Variants in CHRM3 observed in about 807,000 individuals in gnomAD.
The protein encoded by CHRM3 is cholinergic receptor muscarinic 3, also known as muscarinic acetylcholine receptor M3.
A neutral mutation model predicts 41.8 loss-of-function variants in CHRM3; 11 were observed. The observed-to-expected ratio is 0.26, with a 90% CI of 0.17 to 0.44. The LOEUF is 0.44. CHRM3 is among the 20% of genes least tolerant of loss of function. The probability of loss-of-function intolerance (pLI) is 1.00; values close to 1 mark genes in which losing one functional copy is unlikely to be tolerated. For missense variants in CHRM3, 571 were observed against 745.4 expected (o/e 0.77, Z 2.72); for synonymous variants, 297 against 301.4 (o/e 0.99, Z 0.15).
chr1:239,666,617 T>TA (rs1673830845), intron 4 of CHRM3, among the ~76,000 whole-genome samples: 1 of 152,290 alleles, frequency 6.6e-6, no homozygotes, highest in South Asian at 2.1e-4. Context: ...CTGAAATAGA[T>TA]AACATTTCCT....
intron 3 of CHRM3, among the ~76,000 whole-genome samples, chr1:239,605,840 C>A (rs976946626): frequency 4.6e-5 from 7 of 152,138 alleles, no homozygotes; most frequent in Non-Finnish European, 1.0e-4. Flanking sequence ...ATTTATAACA[C>A]TTAGAAAGGT....
At chr1:239,498,485 CGTGT>C (rs1558268195) in intron 2 of CHRM3, among the ~76,000 whole-genome samples, 1 of 152,038 alleles carries the variant, frequency 6.6e-6, no homozygotes, top group African/African-American at 2.4e-5. Context: ...TACATCTTTT[CGTGT>C]GTGTGTAATC....
In CHRM3 at chr1:239,464,341, A is replaced by G. The variant is rs1454450838; in HGVS notation, c.-520-28368A>G. Reference sequence around the variant, plus strand: ...CTGCCCTTACAAATAGAATCTAAGAACATATGTATATCTTATTTTGCCACT... The same window carrying G: ...CTGCCCTTACAAATAGAATCTAAGAGCATATGTATATCTTATTTTGCCACT... On this transcript the variant is annotated intron_variant, in intron 1 of 6. Transcript: ENST00000676153. Among the ~76,000 whole-genome samples the G allele has an allele frequency of 2.6e-5, 4 of 151,810 alleles. No individual in the cohort carries two copies. The East Asian group carries it at 7.8e-4, about 29-fold the overall frequency.
At chr1:239,578,650 A>T (rs1215656073) in intron 3 of CHRM3, among the ~76,000 whole-genome samples, 2 of 152,174 alleles carry the variant, frequency 1.3e-5, no homozygotes, top group Non-Finnish European at 1.5e-5. Context: ...TGTCTGATTT[A>T]AAAAATTTAA....
intron 6 of CHRM3, among the ~76,000 whole-genome samples, chr1:239,854,592 T>G (rs1272062464): frequency 6.6e-6 from 1 of 152,078 alleles, no homozygotes; most frequent in Admixed American, 6.6e-5. Flanking sequence ...AAACAGAGCC[T>G]GTGAAGAGGA....
At chr1:239,562,888 C>CAAAAAAAAA (rs1269385069) in intron 3 of CHRM3, among the ~76,000 whole-genome samples, 1 of 51,248 alleles carries the variant, frequency 2.0e-5, no homozygotes, top group Admixed American at 2.2e-4. Context: ...ACTCTGTCTC[C>CAAAAAAAAA]AAAAAAAAAA....
At chr1:239,589,389 A>C (rs1663816081) in intron 3 of CHRM3, among the ~76,000 whole-genome samples, 1 of 151,798 alleles carries the variant, frequency 6.6e-6, no homozygotes, top group African/African-American at 2.4e-5. Flanking sequence ...GCCAAAGATA[A>C]TTTAAGATGC....
chr1:239,599,974 C>A (rs1300885721), intron 3 of CHRM3, among the ~76,000 whole-genome samples: 2 of 152,156 alleles, frequency 1.3e-5, no homozygotes, highest in African/African-American at 4.8e-5. Context: ...CACCAACTCT[C>A]ACACATAAAA....
At chr1:239,662,226 A>G (rs1285499077) in intron 4 of CHRM3, among the ~76,000 whole-genome samples, 1 of 151,616 alleles carries the variant, frequency 6.6e-6, no homozygotes, top group Admixed American at 6.6e-5. Context: ...CTTATTTCTC[A>G]GCTGATTGAA....
At chr1:239,630,337 T>A (rs1338794003) in intron 3 of CHRM3, among the ~76,000 whole-genome samples, 2 of 152,210 alleles carry the variant, frequency 1.3e-5, no homozygotes, top group East Asian at 1.9e-4. Flanking sequence ...TTTGTAATAA[T>A]GGGCATTTAT....
At chr1:239,872,855 G>C (rs1456068726) in intron 6 of CHRM3, among the ~76,000 whole-genome samples, 2 of 152,046 alleles carry the variant, frequency 1.3e-5, no homozygotes, top group Non-Finnish European at 2.9e-5. Context: ...AGAGCATAAA[G>C]CCACCTGCAC....
chr1:239,721,365 G>A (rs534067043), intron 5 of CHRM3, among the ~76,000 whole-genome samples: 14 of 151,970 alleles, frequency 9.2e-5, no homozygotes, highest in African/African-American at 2.9e-4. Flanking sequence ...TGAGAATCCC[G>A]GTACTTCAGG....
At chr1:239,701,013 G>A (rs898790705) in intron 5 of CHRM3, among the ~76,000 whole-genome samples, 3 of 152,154 alleles carry the variant, frequency 2.0e-5, no homozygotes, top group Non-Finnish European at 2.9e-5. Context: ...ATTAAAACCT[G>A]TGTGACGCTT....
chr1:239,872,776 TC>T (rs1676703059), intron 6 of CHRM3, among the ~76,000 whole-genome samples: 1 of 152,290 alleles, frequency 6.6e-6, no homozygotes, highest in African/African-American at 2.4e-5. Flanking sequence ...ATATGTTTTT[TC>T]AAGTAATATA....
intron 2 of CHRM3, among the ~76,000 whole-genome samples, chr1:239,506,881 A>C (rs1379269207): frequency 1.3e-5 from 2 of 152,174 alleles, no homozygotes; most frequent in African/African-American, 4.8e-5. Context: ...ACATGGTGTC[A>C]AAGGAGGTCA....
At chr1:239,818,949 A>G (rs1366842223) in intron 5 of CHRM3, among the ~76,000 whole-genome samples, 2 of 152,114 alleles carry the variant, frequency 1.3e-5, no homozygotes, top group African/African-American at 2.4e-5. Flanking sequence ...AGAGTGACCC[A>G]TTTCCAAGTT....
At chr1:239,443,804 A>G (rs1423306017) in intron 1 of CHRM3, among the ~76,000 whole-genome samples, 2 of 152,218 alleles carry the variant, frequency 1.3e-5, no homozygotes, top group African/African-American at 4.8e-5. Flanking sequence ...CTTGAAGGGT[A>G]GATATATCCA....
intron 1 of CHRM3, among the ~76,000 whole-genome samples, chr1:239,419,823 T>C (rs1054201769): frequency 3.3e-5 from 5 of 152,230 alleles, no homozygotes; most frequent in African/African-American, 9.6e-5. Context: ...TAAGAGCTTC[T>C]CGAGGGAACC....
chr1:239,696,023 A>AAG (rs1446372578), intron 5 of CHRM3, among the ~76,000 whole-genome samples: 1 of 152,212 alleles, frequency 6.6e-6, no homozygotes, highest in Non-Finnish European at 1.5e-5. Context: ...GTACTGACAT[A>AAG]TTCTCTCCTA....
Sources: gnomAD v4.1 joint callset for allele counts (sites outside exome capture counted in the v4.1 genomes callset) on GRCh38, gnomAD v4.1.1 for gene constraint, MANE v1.5 for transcripts, NCBI Gene and HGNC (gene_info 2026-07-23, HGNC 2026-07-21) for gene names.